Variants in ADGRB3 observed in about 807,000 individuals in gnomAD.
The protein encoded by ADGRB3 is brain-specific angiogenesis inhibitor 3.
ADGRB3 carries 37 observed loss-of-function variants against 193.4 expected under a neutral mutation model. The ratio of observed to expected loss-of-function variants is 0.19; its 90% confidence interval spans 0.15 to 0.25. The LOEUF is 0.25. Ranked by LOEUF, ADGRB3 falls within the 10% of genes least tolerant of loss-of-function variation. The probability of loss-of-function intolerance (pLI) is 1.00; values close to 1 mark genes in which losing one functional copy is unlikely to be tolerated. For missense variants in ADGRB3, 1,637 were observed against 1,852.9 expected, an observed-to-expected ratio of 0.88 and a Z score of 2.14; for synonymous variants, 690 against 644.2, an observed-to-expected ratio of 1.07 and a Z score of -1.08.
chr6:68,919,725 C>G (rs1258325826), intron 3 of ADGRB3, among the ~76,000 whole-genome samples: 1 of 152,122 alleles, frequency 6.6e-6, no homozygotes, highest in Non-Finnish European at 1.5e-5. Context: ...AATGTCAAAT[C>G]CTGAAAGAAT....
intron 3 of ADGRB3, among the ~76,000 whole-genome samples, chr6:68,665,649 T>C (rs920728590): frequency 1.3e-5 from 2 of 151,828 alleles, no homozygotes; most frequent in African/African-American, 2.4e-5. Context: ...AACATCATCA[T>C]TGCTAATTGG....
intron 3 of ADGRB3, among the ~76,000 whole-genome samples, chr6:68,722,502 G>A (rs972449124): frequency 6.6e-6 from 1 of 151,416 alleles, no homozygotes; most frequent in Admixed American, 6.6e-5. Context: ...TTGATCTTGA[G>A]GTATATATTT....
chr6:68,916,043 T>C (rs777313776), intron 3 of ADGRB3, among the ~76,000 whole-genome samples: 2 of 151,906 alleles, frequency 1.3e-5, no homozygotes, highest in Non-Finnish European at 2.9e-5. Flanking sequence ...AAGCAGCAGA[T>C]GCAACACAAG....
At chr6:68,827,669 G>A (rs76607890) in intron 3 of ADGRB3, among the ~76,000 whole-genome samples, 1 of 151,820 alleles carries the variant, frequency 6.6e-6, no homozygotes, top group Admixed American at 6.6e-5. Context: ...TTTTTTTTGG[G>A]GGGGAGGGGG....
intron 3 of ADGRB3, among the ~76,000 whole-genome samples, chr6:68,646,243 G>A (rs181265894): frequency 2.0e-5 from 3 of 152,000 alleles, no homozygotes; most frequent in African/African-American, 4.8e-5. Flanking sequence ...TTGGGAGGCC[G>A]AGGCGGGTGG....
chr6:69,043,373 A>C (rs2150299889), intron 13 of ADGRB3, among the ~76,000 whole-genome samples: 1 of 150,958 alleles, frequency 6.6e-6, no homozygotes, highest in South Asian at 2.1e-4. Flanking sequence ...CCCTTATGTA[A>C]CTCCCAGGTG....
intron 17 of ADGRB3, among the ~76,000 whole-genome samples, chr6:69,122,481 AG>A (rs376504324): frequency 8.7e-3 from 28 of 3,224 alleles, no homozygotes; most frequent in Non-Finnish European, 0.013. Context: ...GGGGAGGGGG[AG>A]GGGGGAGGGG....
At chr6:69,231,845 A>G (rs1391558829) in intron 17 of ADGRB3, among the ~76,000 whole-genome samples, 1 of 152,214 alleles carries the variant, frequency 6.6e-6, no homozygotes, top group African/African-American at 2.4e-5. Flanking sequence ...ATATTAAGTC[A>G]TAAATATTAA....
At chr6:68,926,359 T>C (rs1443824395) in intron 3 of ADGRB3, among the ~76,000 whole-genome samples, 1 of 152,126 alleles carries the variant, frequency 6.6e-6, no homozygotes, top group African/African-American at 2.4e-5. Flanking sequence ...TGTTTATGTT[T>C]AGTTAATGAG....
intron 13 of ADGRB3, among the ~76,000 whole-genome samples, chr6:69,039,479 G>C (rs1191244010): frequency 6.6e-6 from 1 of 152,056 alleles, no homozygotes; most frequent in Non-Finnish European, 1.5e-5. Context: ...GGGATAGATA[G>C]TAAATATCTT....
intron 3 of ADGRB3, among the ~76,000 whole-genome samples, chr6:68,687,803 C>A (rs541555023): frequency 1.9e-4 from 29 of 152,224 alleles, no homozygotes; most frequent in African/African-American, 7.0e-4. Context: ...AAAGAAAGTG[C>A]TATGAGAATG....
intron 3 of ADGRB3, among the ~76,000 whole-genome samples, chr6:68,821,649 T>TA (rs936283959): frequency 1.3e-5 from 2 of 151,814 alleles, no homozygotes; most frequent in African/African-American, 4.8e-5. Flanking sequence ...CTTTTTTTTT[T>TA]AGTCTTTCTT....
At chr6:68,961,534 A>T (rs565030067) in intron 8 of ADGRB3, among the ~76,000 whole-genome samples, 1 of 152,348 alleles carries the variant, frequency 6.6e-6, no homozygotes, top group Non-Finnish European at 1.5e-5. Context: ...CTCAGGTTCC[A>T]GTTAGTAGAA....
At chr6:68,772,899 ATATATAT>A (rs1766663074) in intron 3 of ADGRB3, among the ~76,000 whole-genome samples, 1 of 13,136 alleles carries the variant, frequency 7.6e-5, no homozygotes, top group Non-Finnish European at 1.3e-4. Context: ...AAAAAAATAT[ATATATAT>A]ATATATATAT....
At chr6:68,687,249 A>T (rs930545115) in intron 3 of ADGRB3, among the ~76,000 whole-genome samples, 5 of 152,098 alleles carry the variant, frequency 3.3e-5, no homozygotes, top group African/African-American at 1.2e-4. Flanking sequence ...ATGAAGAAAG[A>T]CATTTAAATT....
At chr6:69,066,860 A>G (rs1211022827) in intron 16 of ADGRB3, among the ~76,000 whole-genome samples, 2 of 152,104 alleles carry the variant, frequency 1.3e-5, no homozygotes, top group East Asian at 3.8e-4. Flanking sequence ...ATTGAAAATA[A>G]TTCTTGAGGG....
At chr6:69,193,515 C>T (rs896531759) in intron 17 of ADGRB3, among the ~76,000 whole-genome samples, 5 of 152,046 alleles carry the variant, frequency 3.3e-5, no homozygotes, top group Non-Finnish European at 7.4e-5. Flanking sequence ...GGCAGTGGCA[C>T]AAGCTAAAGA....
At chr6:69,154,508 T>G (rs921035108) in intron 17 of ADGRB3, among the ~76,000 whole-genome samples, 29 of 152,218 alleles carry the variant, frequency 1.9e-4, no homozygotes, top group African/African-American at 7.0e-4. Context: ...CCACACTGAT[T>G]TGCACCTTCC....
At chr6:68,953,698 A>G (rs1767992181) in intron 6 of ADGRB3, among the ~76,000 whole-genome samples, 2 of 152,204 alleles carry the variant, frequency 1.3e-5, no homozygotes, top group African/African-American at 2.4e-5. Flanking sequence ...GAATGATTAA[A>G]TTGGCATTTT....
Sources: gnomAD v4.1 joint callset for allele counts (sites outside exome capture counted in the v4.1 genomes callset) on GRCh38, gnomAD v4.1.1 for gene constraint, MANE v1.5 for transcripts, NCBI Gene and HGNC (gene_info 2026-07-23, HGNC 2026-07-21) for gene names.